The following PIGX variants were observed in gnomAD, a reference collection of about 807,000 sequenced individuals.
The protein encoded by PIGX is GPI alpha-1,4-mannosyltransferase I, stabilizing subunit.
In PIGX, 24 loss-of-function variants were observed where a neutral mutation model predicts 28.7. The observed-to-expected ratio is 0.84, with a 90% CI of 0.60 to 1.17. PIGX has a LOEUF of 1.17. Ranked by LOEUF, PIGX falls within the 50% of genes most tolerant of loss-of-function variation. PIGX has a pLI of 0.00. For synonymous variants in PIGX, 127 were observed against 121.0 expected, an observed-to-expected ratio of 1.05 and a Z score of -0.33; for missense variants, 305 against 317.8, an observed-to-expected ratio of 0.96 and a Z score of 0.31.
chr3:196,713,570 G>C (rs1711936442), intron 1 of PIGX, among the ~76,000 whole-genome samples: 1 of 152,100 alleles, frequency 6.6e-6, no homozygotes, highest in Non-Finnish European at 1.5e-5. Context: ...GCCTCCCAAA[G>C]TGCCAGGATT....
chr3:196,729,348 TA>T (rs1165455673), intron 4 of PIGX, among the ~76,000 whole-genome samples: 329 of 150,958 alleles, frequency 2.2e-3, no homozygotes, highest in African/African-American at 6.4e-3. Flanking sequence ...AAAAATAAAA[TA>T]AAAAAAATAA....
chr3:196,712,883 C>A, intron 1 of PIGX: 1 of 1,069,614 alleles, frequency 9.3e-7, no homozygotes, highest in Non-Finnish European at 1.1e-6. Context: ...CTGGACTGGC[C>A]GCCCTGTTAC....
chr3:196,732,251 TATATATTTTATTTTATTTTA>T (rs1712820945), intron 5 of PIGX, among the ~76,000 whole-genome samples: 8 of 37,664 alleles, frequency 2.1e-4, no homozygotes, highest in African/African-American at 7.8e-4. Flanking sequence ...TATATATATA[TATATATTTTATTTTATTTTA>T]TTTTTTTTTT....
intron 4 of PIGX, 115 bp from the exon 5 acceptor site, chr3:196,730,877 C>T: frequency 3.7e-6 from 2 of 541,270 alleles, no homozygotes; most frequent in Non-Finnish European, 6.9e-6. Flanking sequence ...GGGTCCAGAT[C>T]ATATACATAA....
chr3:196,719,743 A>G (rs1338450658), intron 2 of PIGX, among the ~76,000 whole-genome samples: 1 of 151,358 alleles, frequency 6.6e-6, no homozygotes, highest in African/African-American at 2.4e-5. Flanking sequence ...CACTTTTCAC[A>G]TTATTTATTT....
chr3:196,715,353 G>A (rs913547991), intron 1 of PIGX, among the ~76,000 whole-genome samples: 2 of 152,054 alleles, frequency 1.3e-5, no homozygotes, highest in African/African-American at 2.4e-5. Flanking sequence ...TCTTCTAATC[G>A]GTCACGTAGT....
At position 196,722,422 on chromosome 3, in the gene PIGX, T is replaced by C; in HGVS notation, c.184T>C (p.Leu62=). 3.1e-6 allele frequency: 5 copies of C among 1,610,436 alleles called. No individual in the cohort carries two copies. The highest frequency in any genetic ancestry group is 4.2e-6 in the Non-Finnish European group (5 of 1,177,356). ...AATGTACTTGTCTTACAGAGACCTT[T>C]TAATCAAAGTGAAGTTTGGGGAAAG... is the stretch of plus-strand genomic sequence containing the variant. The change falls in exon 3 of 6, where the codon TTA becomes CTA. Residue 62 remains leucine, a synonymous_variant. Coordinates refer to ENST00000392391, the MANE Select transcript of PIGX (RefSeq NM_017861.4).
chr3:196,728,238 C>A, intron 4 of PIGX, 102 bp downstream of exon 4: 2 of 814,722 alleles, frequency 2.5e-6, no homozygotes, highest in South Asian at 1.5e-5. Flanking sequence ...TATGTCTTGA[C>A]CTAGGTGGTA....
chr3:196,734,569 AAAAAC>A lies in PIGX; in HGVS notation c.*672_*676del, dbSNP rs1712936231. The A allele has an allele frequency of 1.3e-5, 2 of 152,204 alleles. No individual in the cohort carries two copies. Among genetic ancestry groups the A allele is most frequent in the African/African-American group, 2.4e-5 (1 of 41,442 alleles). The allele number at this position is 152,204 out of a possible 1,614,324, so 9.4% of individuals were successfully genotyped here. On this transcript the variant is annotated 3_prime_UTR_variant, in exon 6 of 6. Transcript: ENST00000392391. ...CAGAACGAGACCCTGTCTCCAAAGG[AAAAAC>A]AAAAAAGAAGAATAAAATAATTTGG...
chr3:196,721,276 G>GC, intron 2 of PIGX: 1 of 284,570 alleles, frequency 3.5e-6, no homozygotes, highest in Non-Finnish European at 6.8e-6. Context: ...CTGTGCTTCA[G>GC]TGTGGGTAGT....
intron 1 of PIGX, among the ~76,000 whole-genome samples, chr3:196,714,288 A>G (rs1711991791): frequency 1.3e-5 from 2 of 152,030 alleles, no homozygotes; most frequent in African/African-American, 2.4e-5. Flanking sequence ...ACATAGCAAG[A>G]CCCTGTCTCT....
At chr3:196,730,883 C>G in intron 4 of PIGX, 109 bp from the exon 5 acceptor site, 1 of 545,646 alleles carries the variant, frequency 1.8e-6, no homozygotes, top group Non-Finnish European at 3.4e-6. Flanking sequence ...AGATCATATA[C>G]ATAATGTATT....
chr3:196,732,254 A>ATTT lies in PIGX; in HGVS notation c.633+1163_633+1164insTTT, dbSNP rs1189283560. 5.9e-4 allele frequency among the ~76,000 whole-genome samples: 14 copies of ATTT among 23,860 alleles called. 1 individual carries two copies. The highest frequency in any genetic ancestry group is 2.0e-3 in the African/African-American group (12 of 6,026). The allele number at this position is 23,860 out of a possible 152,430, so 15.7% of individuals were successfully genotyped here. A position where few individuals can be genotyped will look rare whatever the true frequency, so the allele number is the denominator to read the frequency against. ...TATATATATATATATATATATATAT[A>ATTT]TATTTTATTTTATTTTATTTTTTTT... On this transcript the variant is annotated intron_variant, in intron 5 of 5. Transcript: ENST00000392391.
intron 4 of PIGX, chr3:196,728,785 A>G: frequency 2.6e-6 from 2 of 766,298 alleles, no homozygotes; most frequent in Non-Finnish European, 4.8e-6. Context: ...CTCAGTAGCC[A>G]TTTAATATTA....
rs545609304 is a variant in PIGX, at chr3:196,727,910, T to A, written c.319-13T>A. ...ATTTCTTCTTGATTAATATTTATTT[T>A]CTTTTTGAACAGGCAGTGATGGTTT... is the stretch of plus-strand genomic sequence containing the variant. On this transcript the variant is annotated splice_polypyrimidine_tract_variant and intron_variant, in intron 3 of 5. Coordinates refer to ENST00000392391, the MANE Select transcript of PIGX (RefSeq NM_017861.4). 4.4e-5 allele frequency: 67 copies of A among 1,525,368 alleles called. No homozygotes were observed. Among genetic ancestry groups the A allele is most frequent in the Non-Finnish European group, 5.5e-5 (61 of 1,110,378 alleles). 94.5% of individuals were successfully genotyped at this position (1,525,368 alleles called of 1,614,324 possible).
At chr3:196,727,216 T>C (rs1230413552) in intron 3 of PIGX, among the ~76,000 whole-genome samples, 1 of 152,338 alleles carries the variant, frequency 6.6e-6, no homozygotes, top group Non-Finnish European at 1.5e-5. Flanking sequence ...TGTGGATATA[T>C]GTGAGTGTGT....
Position 196,712,648 on chromosome 3 carries a change from A to AG in PIGX, c.112+10dup, listed in dbSNP as rs1172473640. On this transcript the variant is annotated splice_donor_region_variant and intron_variant, in intron 1 of 5. Coordinates refer to ENST00000392391, the MANE Select transcript of PIGX (RefSeq NM_017861.4). The stretch of plus-strand genomic sequence containing the variant: ...ACCGCCGCGCGCTCTGACGCCGGTA[A>AG]GGGGGGCGGGGCTTGGGGGGCCAGA... The AG allele has an allele frequency of 1.8e-5, 21 of 1,180,912 alleles. No individual in the cohort carries two copies. Among genetic ancestry groups the AG allele is most frequent in the African/African-American group, 6.4e-5 (4 of 62,134 alleles). The allele number at this position is 1,180,912 out of a possible 1,614,324, so 73.2% of individuals were successfully genotyped here.
rs765228795 is a variant in PIGX, at chr3:196,733,923, T to C, written c.*21T>C. ...TATAAGTTTTATGTAGTTAAATGCT[T>C]CCTAGAAACCTAAATAAGATCTATT... On this transcript the variant is annotated 3_prime_UTR_variant, in exon 6 of 6. Coordinates refer to ENST00000392391, the MANE Select transcript of PIGX (RefSeq NM_017861.4). The surrounding 1 kb of genome is among the most constrained non-coding windows in gnomAD (Gnocchi z 4.3). The C allele has an allele frequency of 1.4e-6, 2 of 1,439,990 alleles. No individual in the cohort carries two copies. Among genetic ancestry groups the C allele is most frequent in the Non-Finnish European group, 2.0e-6 (2 of 1,023,534 alleles). The allele number at this position is 1,439,990 out of a possible 1,614,324, so 89.2% of individuals were successfully genotyped here. A position where few individuals can be genotyped will look rare whatever the true frequency, so the allele number is the denominator to read the frequency against.
At chr3:196,731,904 G>T (rs1200971104) in intron 5 of PIGX, among the ~76,000 whole-genome samples, 2 of 150,466 alleles carry the variant, frequency 1.3e-5, no homozygotes, top group African/African-American at 4.9e-5. Flanking sequence ...TTGGCTCACT[G>T]CAACCTCCGC....
Sources: allele counts gnomAD v4.1 joint callset (sites outside exome capture counted in the v4.1 genomes callset), GRCh38; gene constraint gnomAD v4.1.1; non-coding constraint Gnocchi (gnomAD v3.1); transcripts MANE v1.5; gene names NCBI Gene and HGNC (gene_info 2026-07-23, HGNC 2026-07-21).